The following SPAG16 variants were observed in gnomAD, a reference collection of about 807,000 sequenced individuals.
The protein encoded by SPAG16 is sperm associated antigen 16.
SPAG16 carries 86 observed loss-of-function variants against 80.4 expected under a neutral mutation model. The ratio of observed to expected loss-of-function variants is 1.07; its 90% CI spans 0.90 to 1.28. The LOEUF (loss-of-function observed/expected upper bound fraction) is 1.28. Ranked by LOEUF, SPAG16 falls within the 50% of genes most tolerant of loss-of-function variation. The probability of loss-of-function intolerance (pLI) is 0.00; values close to 1 mark genes in which losing one functional copy is unlikely to be tolerated. For synonymous variants in SPAG16, 294 were observed against 265.9 expected (o/e 1.11, Z -1.03); for missense variants, 870 against 765.3 (o/e 1.14, Z -1.61).
At chr2:213,590,603 C>A (rs2060651654) in intron 10 of SPAG16, among the ~76,000 whole-genome samples, 1 of 152,112 alleles carries the variant, frequency 6.6e-6, no homozygotes, top group Non-Finnish European at 1.5e-5. Flanking sequence ...CAATGAGATG[C>A]CATCTCATAC....
intron 14 of SPAG16, among the ~76,000 whole-genome samples, chr2:214,139,484 T>G (rs906737665): frequency 6.6e-6 from 1 of 152,234 alleles, no homozygotes; most frequent in Admixed American, 6.5e-5. Flanking sequence ...TTGCTTCTCA[T>G]TCATCATATA....
chr2:213,785,327 A>G (rs1355002576), intron 10 of SPAG16, among the ~76,000 whole-genome samples: 1 of 152,210 alleles, frequency 6.6e-6, no homozygotes, highest in African/African-American at 2.4e-5. Context: ...AACTACTTCA[A>G]CTGTGTTCTG....
chr2:213,756,732 G>T (rs1031413057), intron 10 of SPAG16, among the ~76,000 whole-genome samples: 1 of 151,196 alleles, frequency 6.6e-6, no homozygotes, highest in Admixed American at 6.6e-5. Context: ...ATATGTGTGG[G>T]TATGCATGTG....
intron 13 of SPAG16, among the ~76,000 whole-genome samples, chr2:214,054,218 C>A (rs1285058933): frequency 6.6e-6 from 1 of 152,152 alleles, no homozygotes; most frequent in African/African-American, 2.4e-5. Flanking sequence ...CCGTATTGGC[C>A]AGGCTGGTCT....
At chr2:213,362,086 A>G (rs1187209057) in intron 7 of SPAG16, among the ~76,000 whole-genome samples, 3 of 152,254 alleles carry the variant, frequency 2.0e-5, no homozygotes, top group African/African-American at 7.2e-5. Context: ...GTTGGGCACA[A>G]GGGAAGAAGG....
intron 9 of SPAG16, among the ~76,000 whole-genome samples, chr2:213,476,737 C>T (rs933067659): frequency 3.3e-5 from 5 of 152,090 alleles, no homozygotes; most frequent in Admixed American, 1.3e-4. Flanking sequence ...CAGGAGGGAG[C>T]GGGGCCCAGT....
At chr2:214,306,809 G>C (rs959606324) in intron 15 of SPAG16, among the ~76,000 whole-genome samples, 1 of 152,052 alleles carries the variant, frequency 6.6e-6, no homozygotes, top group African/African-American at 2.4e-5. Context: ...ATTCATCAGG[G>C]ATATTGGCCT....
chr2:213,518,901 C>A (rs545662387), intron 10 of SPAG16, among the ~76,000 whole-genome samples: 1 of 152,110 alleles, frequency 6.6e-6, no homozygotes, highest in African/African-American at 2.4e-5. Context: ...ATAAAAAGAA[C>A]GAAATCATGT....
In SPAG16 at chr2:213,922,024, A is replaced by G. The variant is rs946288198; in HGVS notation, c.1215-7936A>G. ...CTTGGAGATGGTCTTCATGTATAATATCTCACAGGAGTTATATGCATTTCA... is the reference window on the plus strand; with the variant it reads ...CTTGGAGATGGTCTTCATGTATAATGTCTCACAGGAGTTATATGCATTTCA... On this transcript the variant is annotated intron_variant, in intron 11 of 15. Coordinates refer to ENST00000331683, the MANE Select transcript of SPAG16 (RefSeq NM_024532.5). Among the ~76,000 whole-genome samples the G allele has an allele frequency of 5.3e-5, 8 of 152,312 alleles. No individual in the cohort carries two copies. The East Asian group carries it at 1.2e-3, about 22-fold the overall frequency.
intron 11 of SPAG16, among the ~76,000 whole-genome samples, chr2:213,880,244 T>C (rs2076293339): frequency 6.6e-6 from 1 of 152,246 alleles, no homozygotes; most frequent in African/African-American, 2.4e-5. Context: ...ATGAGCATTT[T>C]TTCATGTGTA....
intron 15 of SPAG16, chr2:214,239,459 A>C (rs1020114490): frequency 6.6e-6 from 1 of 152,204 alleles, no homozygotes; most frequent in African/African-American, 2.4e-5. Flanking sequence ...AAAATGAGAT[A>C]GCTTCTCTAG....
intron 3 of SPAG16, among the ~76,000 whole-genome samples, chr2:213,302,862 G>A (rs2062800362): frequency 6.6e-6 from 1 of 152,080 alleles, no homozygotes; most frequent in African/African-American, 2.4e-5. Flanking sequence ...TCTGCCAGGT[G>A]TGTTGCAACC....
At chr2:213,787,195 A>G (rs936359500) in intron 10 of SPAG16, among the ~76,000 whole-genome samples, 4 of 152,154 alleles carry the variant, frequency 2.6e-5, no homozygotes. Flanking sequence ...AAATCTGCAC[A>G]TCCTGCACAC....
intron 10 of SPAG16, among the ~76,000 whole-genome samples, chr2:213,602,913 A>G (rs1441796354): frequency 6.6e-6 from 1 of 152,204 alleles, no homozygotes; most frequent in Non-Finnish European, 1.5e-5. Context: ...ACATCCTTTT[A>G]ACTTTATGGC....
intron 15 of SPAG16, among the ~76,000 whole-genome samples, chr2:214,261,030 C>G (rs1456699821): frequency 7.0e-6 from 1 of 143,444 alleles, no homozygotes; most frequent in Non-Finnish European, 1.5e-5. Flanking sequence ...TCGCTTGAAC[C>G]TGGGAGGCAG....
At chr2:213,554,987 A>C (rs1186919842) in intron 10 of SPAG16, among the ~76,000 whole-genome samples, 1 of 152,108 alleles carries the variant, frequency 6.6e-6, no homozygotes, top group Non-Finnish European at 1.5e-5. Context: ...ATTCAGGTAC[A>C]AGAAGGTCCA....
intron 12 of SPAG16, among the ~76,000 whole-genome samples, chr2:213,973,873 C>A (rs2045217687): frequency 6.6e-6 from 1 of 151,990 alleles, no homozygotes; most frequent in South Asian, 2.1e-4. Flanking sequence ...ATAAGACTTG[C>A]ATTACACAAA....
chr2:213,353,600 T>C (rs2065457249), intron 7 of SPAG16, among the ~76,000 whole-genome samples: 1 of 152,180 alleles, frequency 6.6e-6, no homozygotes, highest in South Asian at 2.1e-4. Flanking sequence ...TATTTGCCCT[T>C]CATTTCCAAC....
At chr2:214,091,754 A>G (rs901012250) in intron 13 of SPAG16, among the ~76,000 whole-genome samples, 1 of 152,114 alleles carries the variant, frequency 6.6e-6, no homozygotes, top group Non-Finnish European at 1.5e-5. Flanking sequence ...ATCATTTTAC[A>G]TAAATAGGTT....
Sources: allele counts gnomAD v4.1 joint callset (sites outside exome capture counted in the v4.1 genomes callset), GRCh38; gene constraint gnomAD v4.1.1; transcripts MANE v1.5; gene names NCBI Gene and HGNC (gene_info 2026-07-23, HGNC 2026-07-21).